The following ZNF33A variants were observed in gnomAD, a reference collection of about 807,000 sequenced individuals.
ZNF33A encodes brain my041 protein.
ZNF33A carries 9 observed loss-of-function variants against 15.9 expected under a neutral mutation model. That is an observed-to-expected ratio of 0.57 (90% CI 0.34 to 0.99). ZNF33A has a LOEUF of 0.99. Among genes scored for constraint, ZNF33A ranks in the 50% least tolerant of loss-of-function variants. The probability of loss-of-function intolerance (pLI) is 0.02; values close to 1 mark genes in which losing one functional copy is unlikely to be tolerated. For missense variants in ZNF33A, 843 were observed against 941.6 expected (o/e 0.90, Z 1.37); for synonymous variants, 294 against 324.2 (o/e 0.91, Z 1.00).
intron 4 of ZNF33A, among the ~76,000 whole-genome samples, chr10:38,024,075 C>A (rs1481340288): frequency 6.8e-6 from 1 of 146,822 alleles, no homozygotes; most frequent in African/African-American, 2.6e-5. Flanking sequence ...TTGCTTCAAC[C>A]TGGAAGGTGG....
chr10:38,012,124 G>T (rs74644035), intron 1 of ZNF33A, among the ~76,000 whole-genome samples, 174 bp from the exon 2 acceptor site: 1 of 152,056 alleles, frequency 6.6e-6, no homozygotes, highest in African/African-American at 2.4e-5. Flanking sequence ...CGCCTATTCC[G>T]AAGTGTTCTT....
At chr10:38,024,445 T>C (rs78310377) in intron 4 of ZNF33A, among the ~76,000 whole-genome samples, 9,107 of 152,254 alleles carry the variant, frequency 0.06, 351 homozygotes, top group Middle Eastern at 0.095. Flanking sequence ...TCTTGATAGA[T>C]TGGAAAACTC....
chr10:38,013,831 C>T (rs118085716), intron 2 of ZNF33A, among the ~76,000 whole-genome samples: 2,299 of 152,100 alleles, frequency 0.015, 28 homozygotes, highest in South Asian at 0.03. Flanking sequence ...ATTACAAATC[C>T]GTGGCACAAA....
At chr10:38,061,667 G>A (rs2066655469), downstream of ZNF33A, among the ~76,000 whole-genome samples, 1 of 152,108 alleles carries the variant, frequency 6.6e-6, no homozygotes, top group Non-Finnish European at 1.5e-5. Flanking sequence ...TGGGTGCAGT[G>A]GCTCAACAAA....
At chr10:38,034,057 C>G (rs770700977) in intron 4 of ZNF33A, among the ~76,000 whole-genome samples, 3 of 152,124 alleles carry the variant, frequency 2.0e-5, no homozygotes, top group Admixed American at 6.6e-5. Flanking sequence ...TTATGTATCT[C>G]CTTTGTCAAT....
chr10:38,010,930 C>G (rs755266556), intron 1 of ZNF33A, 147 bp downstream of exon 1: 22 of 962,564 alleles, frequency 2.3e-5, no homozygotes, highest in Non-Finnish European at 3.2e-5. Flanking sequence ...AGCGTGTGGG[C>G]CACGACGCTA....
downstream of ZNF33A, chr10:38,060,099 A>T: frequency 1.0e-6 from 1 of 985,130 alleles, no homozygotes; most frequent in Non-Finnish European, 1.2e-6. Context: ...TTCTTTTGTT[A>T]GTTGTATGTT....
chr10:38,011,313 G>C (rs2064173203), intron 1 of ZNF33A, among the ~76,000 whole-genome samples: 1 of 152,156 alleles, frequency 6.6e-6, no homozygotes, highest in South Asian at 2.1e-4. Flanking sequence ...GGCCTGGCGC[G>C]GTGGCTCTCG....
At chr10:38,061,248 G>A (rs912024099), downstream of ZNF33A, among the ~76,000 whole-genome samples, 4 of 152,106 alleles carry the variant, frequency 2.6e-5, no homozygotes, top group African/African-American at 9.7e-5. Flanking sequence ...GCCTAACAAG[G>A]CATTCAGGAA....
rs2472162 is a variant in ZNF33A, at chr10:38,057,276, T to G, written c.*716T>G. 0.061 allele frequency: 58,189 copies of G among 948,416 alleles called. 3,086 individuals carry two copies. The highest frequency in any genetic ancestry group is 0.067 in the Non-Finnish European group (53,003 of 794,614). 58.8% of individuals were successfully genotyped at this position (948,416 alleles called of 1,614,324 possible). ...GGATTTAGCCTCAAGTAGTTCCCTT[T>G]TTGTATTAATAACCACACGCTTTCT... is the stretch of plus-strand genomic sequence containing the variant. On this transcript the variant is annotated 3_prime_UTR_variant, in exon 5 of 5. Coordinates refer to ENST00000432900, the MANE Select transcript of ZNF33A (RefSeq NM_006954.2).
rs1367247241 is a variant in ZNF33A, at chr10:38,057,644, A to G, written c.*1084A>G. ...TCAAAATAACAAATTATCTAAAAAA[A>G]ATCTATCCTGTACATGTGAAGATCT... On this transcript the variant is annotated 3_prime_UTR_variant, in exon 5 of 5. Transcript: ENST00000432900. 1.4e-5 allele frequency: 14 copies of G among 985,318 alleles called. No individual in the cohort carries two copies. Among genetic ancestry groups the G allele is most frequent in the Non-Finnish European group, 1.7e-5 (14 of 829,918 alleles). The allele number at this position is 985,318 out of a possible 1,614,324, so 61.0% of individuals were successfully genotyped here. A position where few individuals can be genotyped will look rare whatever the true frequency, so the allele number is the denominator to read the frequency against.
intron 4 of ZNF33A, among the ~76,000 whole-genome samples, chr10:38,044,436 C>CT (rs2065863936): frequency 1.3e-5 from 2 of 151,828 alleles, no homozygotes; most frequent in South Asian, 4.2e-4. Flanking sequence ...TCTTGAACTC[C>CT]TGACCGCAGG....
At chr10:38,011,692 G>A (rs2064194379) in intron 1 of ZNF33A, among the ~76,000 whole-genome samples, 1 of 152,140 alleles carries the variant, frequency 6.6e-6, no homozygotes, top group Non-Finnish European at 1.5e-5. Context: ...CAGTTAGTAG[G>A]GAAGACTAAG....
At chr10:38,047,799 A>G (rs1038091091) in intron 4 of ZNF33A, among the ~76,000 whole-genome samples, 1 of 152,152 alleles carries the variant, frequency 6.6e-6, no homozygotes, top group Non-Finnish European at 1.5e-5. Flanking sequence ...ATGTGATGGG[A>G]ACTTACTGAT....
downstream of ZNF33A, chr10:38,064,112 G>T: frequency 3.1e-6 from 5 of 1,597,056 alleles, no homozygotes; most frequent in Non-Finnish European, 4.2e-6. Flanking sequence ...CATGCCCTTG[G>T]ATTAAACCCC....
At chr10:38,033,640 A>C (rs2065311887) in intron 4 of ZNF33A, among the ~76,000 whole-genome samples, 1 of 152,050 alleles carries the variant, frequency 6.6e-6, no homozygotes, top group East Asian at 1.9e-4. Context: ...GTATTATACC[A>C]ATCCAGTAGT....
Position 38,016,920 on chromosome 10 carries a change from G to A in ZNF33A, c.59G>A (p.Gly20Asp). The A allele has an allele frequency of 6.2e-7, 1 of 1,614,016 alleles. No individual in the cohort carries two copies. The highest frequency in any genetic ancestry group is 1.1e-5 in the South Asian group (1 of 91,064). ...GTATCATTTAAAGATGTGACTGTGGGCTTCACCCAGGAGGAGTGGCAGCAC... is the reference window on the plus strand; with the variant it reads ...GTATCATTTAAAGATGTGACTGTGGACTTCACCCAGGAGGAGTGGCAGCAC... ...ESVSFKDVTV[G>D]FTQEEWQHLD... Residue 20 changes from glycine (G) to aspartate (D), a missense_variant, in exon 3 of 5, where the codon GGC becomes GAC. Gly to Asp is a moderately conservative substitution (Grantham distance 94). Transcript: ENST00000432900.
intron 4 of ZNF33A, among the ~76,000 whole-genome samples, chr10:38,027,298 G>A (rs1338117429): frequency 1.3e-5 from 2 of 151,676 alleles, no homozygotes; most frequent in East Asian, 1.9e-4. Flanking sequence ...GTGTGTGTGT[G>A]TATAGCTTTG....
intron 4 of ZNF33A, among the ~76,000 whole-genome samples, chr10:38,028,789 TTTTATTCCCTTC>T (rs2065094809): frequency 1.3e-5 from 2 of 152,240 alleles, no homozygotes; most frequent in African/African-American, 4.8e-5. Context: ...AGTGAATCAT[TTTTATTCCCTTC>T]TTTATTCCCT....
Sources: allele counts gnomAD v4.1 joint callset (sites outside exome capture counted in the v4.1 genomes callset), GRCh38; gene constraint gnomAD v4.1.1; transcripts MANE v1.5; gene names NCBI Gene and HGNC (gene_info 2026-07-23, HGNC 2026-07-21).